The following ZNF57 variants were observed in gnomAD, a reference collection of about 807,000 sequenced individuals.
ZNF57 encodes the protein zinc finger protein 424.
In ZNF57, 11 loss-of-function variants were observed where a neutral mutation model predicts 13.4. The observed-to-expected ratio is 0.82, with a 90% CI of 0.52 to 1.36. The LOEUF (loss-of-function observed/expected upper bound fraction) is 1.36, where lower values mean the gene tolerates loss of function less well. Among genes scored for constraint, ZNF57 ranks in the 40% most tolerant of loss-of-function variants. The probability of loss-of-function intolerance (pLI) is 0.00; values close to 1 mark genes in which losing one functional copy is unlikely to be tolerated. For synonymous variants in ZNF57, 224 were observed against 238.5 expected (o/e 0.94, Z 0.56); for missense variants, 696 against 667.5 (o/e 1.04, Z -0.47).
intron 1 of ZNF57, among the ~76,000 whole-genome samples, chr19:2,912,544 CCT>C (rs1233388859): frequency 6.6e-6 from 1 of 152,118 alleles, no homozygotes; most frequent in African/African-American, 2.4e-5. Flanking sequence ...TCTGTATCCG[CCT>C]CTCTCTTCAG....
Position 2,901,052 on chromosome 19 carries a change from A to T in ZNF57, c.3+4A>T. On this transcript the variant is annotated splice_donor_region_variant and intron_variant, in intron 1 of 3. Coordinates refer to ENST00000306908, the MANE Select transcript of ZNF57 (RefSeq NM_173480.3). ...GCCCAGGAGCAGGGGAGACATGGTG[A>T]GTGCGAGGCAGGAGCAGAGCCAGGG... is the stretch of plus-strand genomic sequence containing the variant. 6.4e-7 allele frequency: 1 copy of T among 1,559,138 alleles called. No individual in the cohort carries two copies. The highest frequency in any genetic ancestry group is 8.7e-7 in the Non-Finnish European group (1 of 1,151,016).
intron 1 of ZNF57, among the ~76,000 whole-genome samples, chr19:2,913,663 G>GA (rs1555678346): frequency 2.5e-4 from 36 of 144,014 alleles, no homozygotes; most frequent in Non-Finnish European, 5.0e-4. Flanking sequence ...CTTATTTCTG[G>GA]TTTTTTTTTT....
chr19:2,916,335 TTTG>T, intron 3 of ZNF57, 86 bp downstream of exon 3: 1 of 1,277,050 alleles, frequency 7.8e-7, no homozygotes, highest in South Asian at 1.9e-5. Flanking sequence ...TTGCTCCAAA[TTTG>T]TTTATTCCTC....
chr19:2,914,082 G>A (rs1407159618), intron 1 of ZNF57, among the ~76,000 whole-genome samples: 1 of 152,158 alleles, frequency 6.6e-6, no homozygotes, highest in African/African-American at 2.4e-5. Context: ...GCAGATGTCT[G>A]CTATGTCTAA....
At chr19:2,916,785 G>A in intron 3 of ZNF57, 139 bp from the exon 4 acceptor site, 1 of 643,806 alleles carries the variant, frequency 1.6e-6, no homozygotes, top group Non-Finnish European at 2.5e-6. Context: ...TAAAAAATAT[G>A]TCTCTTCAAA....
chr19:2,916,733 AAAG>A (rs1431099811), intron 3 of ZNF57, 188 bp from the exon 4 acceptor site: 13 of 455,396 alleles, frequency 2.9e-5, no homozygotes, highest in South Asian at 2.8e-4. Context: ...AAATAAATAA[AAAG>A]AAATTACAGG....
At chr19:2,904,080 C>G (rs890536488) in intron 1 of ZNF57, among the ~76,000 whole-genome samples, 7 of 152,172 alleles carry the variant, frequency 4.6e-5, no homozygotes, top group African/African-American at 1.7e-4. Flanking sequence ...CCAGGCTAGT[C>G]TCAAACTCCT....
rs2088205952 is a variant in ZNF57, at chr19:2,916,968, A to G, written c.347A>G (p.Gln116Arg). ...DRFCTHNEGN[Q>R]YGEAIHQMPD... The stretch of plus-strand genomic sequence containing the variant: ...TTCTGTACACATAATGAAGGTAATC[A>G]ATATGGAGAAGCCATCCATCAAATG... Residue 116 changes from glutamine to arginine, a missense_variant, in exon 4 of 4, where the codon CAA (glutamine) becomes CGA (arginine). By Grantham distance (43) the Gln-to-Arg change is conservative. Transcript: ENST00000306908. The G allele has an allele frequency of 6.2e-7, 1 of 1,611,462 alleles. No individual in the cohort carries two copies. The highest frequency in any genetic ancestry group is 1.7e-5 in the Admixed American group (1 of 59,286).
intron 1 of ZNF57, among the ~76,000 whole-genome samples, chr19:2,901,566 G>A (rs1406243869): frequency 2.6e-5 from 4 of 151,970 alleles, no homozygotes; most frequent in Admixed American, 2.0e-4. Context: ...CTGTCGCCAG[G>A]CTGGAGTGCA....
intron 1 of ZNF57, among the ~76,000 whole-genome samples, chr19:2,908,466 T>G (rs1001974713): frequency 6.8e-6 from 1 of 147,288 alleles, no homozygotes; most frequent in African/African-American, 2.5e-5. Context: ...TTTTGGTTTT[T>G]TTTTTTTTTT....
At chr19:2,903,602 C>T (rs558230153) in intron 1 of ZNF57, among the ~76,000 whole-genome samples, 2 of 152,178 alleles carry the variant, frequency 1.3e-5, no homozygotes, top group Non-Finnish European at 2.9e-5. Flanking sequence ...CTGCTCCCAG[C>T]GCTCATCTCT....
intron 1 of ZNF57, chr19:2,907,174 C>A (rs530008610): frequency 2.0e-5 from 3 of 152,156 alleles, no homozygotes; most frequent in Non-Finnish European, 4.4e-5. Context: ...GTGAGGAATA[C>A]GTTCTCTCCA....
Position 2,917,457 on chromosome 19 carries a change from C to T in ZNF57, c.836C>T (p.Pro279Leu), listed in dbSNP as rs1456370768. 2 of 1,614,138 alleles carry T rather than the reference C, an allele frequency of 1.2e-6. No individual in the cohort carries two copies. The change falls in exon 4 of 4, where the codon CCC (proline) becomes CTC (leucine). Residue 279 changes from proline (P) to leucine (L), a missense_variant. Pro to Leu is a moderately conservative substitution (Grantham distance 98). Around this residue, in one of 3 missense-constraint regions of ZNF57, gnomAD observed 645 missense variants for 591.5 expected, o/e 1.09. Coordinates refer to ENST00000306908, the MANE Select transcript of ZNF57 (RefSeq NM_173480.3). ...ATGACAACACACACTGGAGAGAAGC[C>T]CTATAAATGTCAGCACTGTGGGAAA... ...RHMTTHTGEK[P>L]YKCQHCGKAF... is the part of the protein sequence containing the mutation.
intron 2 of ZNF57, 160 bp downstream of exon 2, chr19:2,915,808 G>C: frequency 3.3e-6 from 4 of 1,202,138 alleles, no homozygotes; most frequent in South Asian, 1.3e-5. Flanking sequence ...GTGAAAACAT[G>C]TGTGAAACAG....
Position 2,900,972 on chromosome 19 carries a change from A to C in ZNF57, c.-74A>C. On this transcript the variant is annotated 5_prime_UTR_variant, in exon 1 of 4. Coordinates refer to ENST00000306908, the MANE Select transcript of ZNF57 (RefSeq NM_173480.3). ...TGCCTACCACGAGCGGCCCGGGAGT[A>C]CCTGTACCTTTCAGCTGCGCCGGCC... The C allele has an allele frequency of 1.9e-6, 3 of 1,544,398 alleles. No homozygotes were observed. The highest frequency in any genetic ancestry group is 1.8e-6 in the Non-Finnish European group (2 of 1,142,486).
At chr19:2,906,826 C>T (rs756531176) in intron 1 of ZNF57, among the ~76,000 whole-genome samples, 6 of 152,094 alleles carry the variant, frequency 3.9e-5, no homozygotes, top group African/African-American at 1.2e-4. Flanking sequence ...TCTGTGGACC[C>T]GTGAGTGTCA....
At chr19:2,906,237 A>G (rs931301174) in intron 1 of ZNF57, among the ~76,000 whole-genome samples, 3 of 152,142 alleles carry the variant, frequency 2.0e-5, no homozygotes, top group Admixed American at 6.5e-5. Context: ...AAATTTTTAT[A>G]GAGCTGGGGT....
At chr19:2,906,605 A>G (rs1053347810) in intron 1 of ZNF57, among the ~76,000 whole-genome samples, 1 of 152,196 alleles carries the variant, frequency 6.6e-6, no homozygotes, top group Non-Finnish European at 1.5e-5. Flanking sequence ...CAGTAAAGAA[A>G]CAGTCCAAAG....
rs537013899 is a variant in ZNF57, at chr19:2,909,819, C to T, written c.4-5703C>T. Reference sequence around the variant, plus strand: ...CTGGGATTACAGGCATGTGCCACCACACCTGGCCTATTTGTACATGCTTTA... The same window carrying T: ...CTGGGATTACAGGCATGTGCCACCATACCTGGCCTATTTGTACATGCTTTA... On this transcript the variant is annotated intron_variant, in intron 1 of 3. Coordinates refer to ENST00000306908, the MANE Select transcript of ZNF57 (RefSeq NM_173480.3). Among the ~76,000 whole-genome samples the T allele has an allele frequency of 2.1e-4, 10 of 47,790 alleles. 4 individuals are homozygous for T. In the Admixed American group the frequency reaches 2.4e-3, roughly 12 times the overall value. The allele number at this position is 47,790 out of a possible 152,430, so 31.4% of individuals were successfully genotyped here. A position where few individuals can be genotyped will look rare whatever the true frequency, so the allele number is the denominator to read the frequency against.
Sources: allele counts gnomAD v4.1 joint callset (sites outside exome capture counted in the v4.1 genomes callset), GRCh38; gene constraint gnomAD v4.1.1; regional missense constraint gnomAD v4.1.1; transcripts MANE v1.5; gene names NCBI Gene and HGNC (gene_info 2026-07-23, HGNC 2026-07-21).